The following PRR33 variants were observed in gnomAD, a reference collection of about 807,000 sequenced individuals.
PRR33 encodes proline rich 33, also known as proline-rich protein 33.
In PRR33, 1 loss-of-function variant was observed where a neutral mutation model predicts 0.5. That is an observed-to-expected ratio of 2.18 (90% CI 0.77 to 10.34). The LOEUF is 10.34. Among genes scored for constraint, PRR33 ranks in the 30% most tolerant of loss-of-function variants. The pLI is 0.13. For missense variants in PRR33, 552 were observed against 251.8 expected (o/e 2.19, Z -8.07); for synonymous variants, 226 against 110.0 (o/e 2.06, Z -6.60).
chr11:1,902,440 C>A, the PRR33 span, among the ~76,000 whole-genome samples: 1 of 152,210 alleles, frequency 6.6e-6, no homozygotes, highest in Non-Finnish European at 1.5e-5. Context: ...TTTAGACACA[C>A]TTCATCTAGG....
chr11:1,904,128 G>T, the PRR33 span, among the ~76,000 whole-genome samples: 1 of 152,238 alleles, frequency 6.6e-6, no homozygotes, highest in African/African-American at 2.4e-5. Flanking sequence ...GCTGCTCTGA[G>T]AGAGCAGAGG....
At chr11:1,903,588 G>C in the PRR33 span, among the ~76,000 whole-genome samples, 1 of 152,182 alleles carries the variant, frequency 6.6e-6, no homozygotes, top group African/African-American at 2.4e-5. Context: ...AAGTGCAGTG[G>C]TGTTCACTTG....
At chr11:1,909,312 C>T in the PRR33 span, among the ~76,000 whole-genome samples, 1 of 151,536 alleles carries the variant, frequency 6.6e-6, no homozygotes, top group African/African-American at 2.4e-5. Context: ...TGAGTCTCTA[C>T]AAAAAATACA....
At chr11:1,911,574 C>T in the PRR33 span, among the ~76,000 whole-genome samples, 504 of 152,170 alleles carry the variant, frequency 3.3e-3, 2 homozygotes, top group African/African-American at 0.011. Flanking sequence ...CCCACCACCA[C>T]GCCTGGCTAA....
the PRR33 span, among the ~76,000 whole-genome samples, chr11:1,905,989 A>ATTT: frequency 7.7e-6 from 1 of 129,644 alleles, no homozygotes; most frequent in Admixed American, 8.0e-5. Flanking sequence ...CAGCTAAAGT[A>ATTT]TTTTTTTTTT....
the PRR33 span, among the ~76,000 whole-genome samples, chr11:1,903,788 G>A: frequency 6.6e-6 from 1 of 152,172 alleles, no homozygotes; most frequent in Admixed American, 6.5e-5. Flanking sequence ...ACTGAGCAAT[G>A]ATTTTTCCCT....
chr11:1,916,295 C>G, the PRR33 span, among the ~76,000 whole-genome samples: 1 of 152,120 alleles, frequency 6.6e-6, no homozygotes, highest in African/African-American at 2.4e-5. Flanking sequence ...TTGCCATTCC[C>G]TTGGGTCCTC....
the PRR33 span, among the ~76,000 whole-genome samples, chr11:1,903,662 C>T: frequency 1.3e-5 from 2 of 152,248 alleles, no homozygotes; most frequent in African/African-American, 4.8e-5. Context: ...AAACATCTGC[C>T]GCGTCCGGGA....
At chr11:1,914,045 G>A in the PRR33 span, among the ~76,000 whole-genome samples, 1 of 152,240 alleles carries the variant, frequency 6.6e-6, no homozygotes, top group Non-Finnish European at 1.5e-5. Flanking sequence ...AGCAAGATTG[G>A]TGACATCCAA....
chr11:1,894,689 A>G (rs1849104701), upstream of PRR33, among the ~76,000 whole-genome samples: 1 of 151,458 alleles, frequency 6.6e-6, no homozygotes, highest in South Asian at 2.1e-4. Flanking sequence ...GCATGGGTAC[A>G]CCCCAACCCG....
At chr11:1,915,139 CTGTGTGTGTG>C in the PRR33 span, among the ~76,000 whole-genome samples, 4 of 128,484 alleles carry the variant, frequency 3.1e-5, no homozygotes, top group African/African-American at 9.1e-5. Flanking sequence ...GATGATGTTT[CTGTGTGTGTG>C]TGTGTGTGTG....
the PRR33 span, among the ~76,000 whole-genome samples, chr11:1,908,165 A>AC: frequency 6.6e-6 from 1 of 152,228 alleles, no homozygotes; most frequent in Admixed American, 6.5e-5. Context: ...GCTTTGTCTG[A>AC]CTGCTGGTCT....
At chr11:1,901,760 G>A in the PRR33 span, among the ~76,000 whole-genome samples, 4 of 152,140 alleles carry the variant, frequency 2.6e-5, no homozygotes, top group Non-Finnish European at 4.4e-5. Flanking sequence ...GGAAAAACAC[G>A]TTAAACAAAG....
At chr11:1,895,958 A>T (rs895546218), upstream of PRR33, among the ~76,000 whole-genome samples, 6 of 152,158 alleles carry the variant, frequency 3.9e-5, no homozygotes, top group African/African-American at 1.4e-4. Context: ...CAGCGAGCAG[A>T]GATTGCACCA....
the PRR33 span, among the ~76,000 whole-genome samples, chr11:1,916,996 C>T: frequency 6.6e-6 from 1 of 152,208 alleles, no homozygotes; most frequent in Non-Finnish European, 1.5e-5. Context: ...TGCTACAAGC[C>T]CCTAGGCCAG....
At chr11:1,889,887 G>T in exon 1 of PRR33, 1 of 627,388 alleles carries the variant, frequency 1.6e-6, no homozygotes. Flanking sequence ...CTGGACTGTG[G>T]TGGGCAGTGG....
exon 1 of PRR33, chr11:1,889,510 C>T: frequency 3.2e-6 from 2 of 620,122 alleles, no homozygotes; most frequent in Non-Finnish European, 5.9e-6. Flanking sequence ...TGCCGCGGCT[C>T]TGGGCACGGA....
chr11:1,903,911 G>A, the PRR33 span, among the ~76,000 whole-genome samples: 1 of 152,238 alleles, frequency 6.6e-6, no homozygotes, highest in South Asian at 2.1e-4. Flanking sequence ...GCCAGTTTCC[G>A]CCTGACCCAG....
At chr11:1,917,359 A>G in the PRR33 span, among the ~76,000 whole-genome samples, 1 of 152,314 alleles carries the variant, frequency 6.6e-6, no homozygotes, top group Admixed American at 6.5e-5. Context: ...CAAGACACTC[A>G]GGAGGCCATC....
Sources: allele counts gnomAD v4.1 joint callset (sites outside exome capture counted in the v4.1 genomes callset), GRCh38; gene constraint gnomAD v4.1.1; transcripts MANE v1.5; gene names NCBI Gene and HGNC (gene_info 2026-07-23, HGNC 2026-07-21).